The following INTS13 variants were observed in gnomAD, a reference collection of about 807,000 sequenced individuals.
INTS13 encodes asunder, spermatogenesis regulator homolog (Drosphila).
Under a neutral mutation model 90.2 loss-of-function variants are expected in INTS13, and 35 were observed. The ratio of observed to expected loss-of-function variants is 0.39; its 90% CI spans 0.30 to 0.51. INTS13 has a LOEUF of 0.51. Ranked by LOEUF, INTS13 falls within the 20% of genes least tolerant of loss-of-function variation. The pLI is 0.80. For synonymous variants in INTS13, 309 were observed against 277.1 expected (o/e 1.11, Z -1.14); for missense variants, 601 against 851.2 (o/e 0.71, Z 3.66).
At chr12:26,912,899 TG>T (rs574905677) in intron 14 of INTS13, among the ~76,000 whole-genome samples, 109 of 152,248 alleles carry the variant, frequency 7.2e-4, no homozygotes, top group African/African-American at 2.6e-3. Flanking sequence ...AGCTGATTTT[TG>T]TATTTTTTTA....
intron 14 of INTS13, among the ~76,000 whole-genome samples, chr12:26,911,564 AAAG>A (rs1196586567): frequency 2.6e-5 from 4 of 152,202 alleles, no homozygotes; most frequent in African/African-American, 9.6e-5. Context: ...ATATAAAAAA[AAAG>A]AAGATACTTA....
intron 10 of INTS13, among the ~76,000 whole-genome samples, chr12:26,916,608 A>G (rs531883618): frequency 1.3e-5 from 2 of 152,342 alleles, no homozygotes; most frequent in African/African-American, 4.8e-5. Flanking sequence ...CACTGTAATC[A>G]TAACTACTTT....
At chr12:26,929,727 GGAAGAAAGGAAGGAAGGAAA>G (rs1202827957) in intron 3 of INTS13, among the ~76,000 whole-genome samples, 1 of 148,610 alleles carries the variant, frequency 6.7e-6, no homozygotes. Context: ...AAGACAGAAA[GGAAGAAAGGAAGGAAGGAAA>G]GAAGAAAGAA....
chr12:26,922,077 G>A (rs1952135367), intron 8 of INTS13, among the ~76,000 whole-genome samples: 1 of 152,234 alleles, frequency 6.6e-6, no homozygotes, highest in African/African-American at 2.4e-5. Context: ...TGCCTGGGAT[G>A]TGAATCATTC....
At chr12:26,909,881 C>A (rs1297070267) in intron 15 of INTS13, among the ~76,000 whole-genome samples, 2 of 152,202 alleles carry the variant, frequency 1.3e-5, no homozygotes, top group African/African-American at 4.8e-5. Context: ...CTAGGATGAG[C>A]TGCCAATATT....
intron 16 of INTS13, 139 bp downstream of exon 16, chr12:26,906,163 T>TAC: frequency 1.2e-6 from 1 of 814,004 alleles, no homozygotes. Flanking sequence ...AAGAGGTTAA[T>TAC]TTTTTCTGCT....
chr12:26,914,810 G>T (rs1016663781), intron 11 of INTS13, among the ~76,000 whole-genome samples: 35 of 152,170 alleles, frequency 2.3e-4, no homozygotes, highest in African/African-American at 8.4e-4. Context: ...TTCATGGTAT[G>T]TTTTCCCCAC....
At chr12:26,921,070 T>C (rs1479432314) in intron 8 of INTS13, among the ~76,000 whole-genome samples, 2 of 152,242 alleles carry the variant, frequency 1.3e-5, no homozygotes, top group African/African-American at 2.4e-5. Flanking sequence ...TATTTTAGAA[T>C]TGAATGGAAT....
chr12:26,911,945 G>A (rs1951788360), intron 14 of INTS13, among the ~76,000 whole-genome samples: 1 of 152,256 alleles, frequency 6.6e-6, no homozygotes, highest in African/African-American at 2.4e-5. Context: ...GAGAATAAAA[G>A]TATTCTATTA....
Position 26,928,896 on chromosome 12 carries a change from C to A in INTS13, c.310G>T (p.Ala104Ser), listed in dbSNP as rs765732011. 1.9e-6 allele frequency: 3 copies of A among 1,613,900 alleles called. No individual in the cohort carries two copies. Among genetic ancestry groups the A allele is most frequent in the Non-Finnish European group, 2.5e-6 (3 of 1,179,838 alleles). Reference protein sequence around the residue: ...EDQNLQELMAALAAVGPPNPR... With the variant: ...EDQNLQELMASLAAVGPPNPR... ...TTAGGAGGCCCAACAGCGGCTAATGCTGCCATTAGCTAAGTAAAAGGGAAA... is the reference window on the plus strand; with the variant it reads ...TTAGGAGGCCCAACAGCGGCTAATGATGCCATTAGCTAAGTAAAAGGGAAA... The change falls in exon 4 of 17, where the codon GCA (alanine) becomes TCA (serine). Residue 104 changes from alanine (A) to serine (S), a missense_variant. Around this residue, in one of 3 missense-constraint regions of INTS13, gnomAD observed 284 missense variants for 387.7 expected, o/e 0.73. Transcript: ENST00000261191.
At chr12:26,917,849 T>C in intron 8 of INTS13, 116 bp from the exon 9 acceptor site, 2 of 758,396 alleles carry the variant, frequency 2.6e-6, no homozygotes, top group South Asian at 3.5e-5. Context: ...AGCGGCCGGG[T>C]GCAGTGGCTC....
chr12:26,924,543 C>T, intron 6 of INTS13, 60 bp from the exon 7 acceptor site: 1 of 1,496,578 alleles, frequency 6.7e-7, no homozygotes, highest in Non-Finnish European at 9.1e-7. Context: ...TGACCTACTG[C>T]TAAATATTTT....
intron 6 of INTS13, 61 bp downstream of exon 6, chr12:26,925,700 C>T: frequency 1.5e-6 from 2 of 1,304,664 alleles, no homozygotes; most frequent in Non-Finnish European, 1.1e-6. Context: ...AATGATAACC[C>T]TTCTCAGTAT....
intron 15 of INTS13, 190 bp from the exon 16 acceptor site, chr12:26,906,627 G>T: frequency 1.7e-6 from 1 of 596,712 alleles, no homozygotes; most frequent in Non-Finnish European, 2.8e-6. Flanking sequence ...GTGTTTCAGG[G>T]TCCCCAAGAG....
In INTS13 at chr12:26,914,078, ATCT is replaced by A. The variant is rs1334876338; in HGVS notation, c.1467_1469del (p.Glu489del). ...ATATTGTTTTTTGACAGTTTAACAC[ATCT>A]TCTTCTGTCAGAGATTCTTTCACAA... On this transcript the variant is annotated inframe_deletion, in exon 13 of 17. Transcript: ENST00000261191. The A allele has an allele frequency of 1.2e-6, 2 of 1,608,906 alleles. No homozygotes were observed. The highest frequency in any genetic ancestry group is 1.3e-5 in the African/African-American group (1 of 74,740).
intron 8 of INTS13, among the ~76,000 whole-genome samples, chr12:26,920,901 T>C (rs1048870417): frequency 3.9e-5 from 6 of 152,184 alleles, no homozygotes; most frequent in African/African-American, 9.7e-5. Flanking sequence ...AATGTCACAA[T>C]TGGCTCATGA....
At chr12:26,909,472 CT>C (rs756908915) in intron 15 of INTS13, among the ~76,000 whole-genome samples, 6,688 of 126,844 alleles carry the variant, frequency 0.053, 189 homozygotes, top group African/African-American at 0.11. Context: ...AGATAATACT[CT>C]TTTTTTTTTT....
At chr12:26,909,869 C>T (rs536857921) in intron 15 of INTS13, among the ~76,000 whole-genome samples, 1 of 152,276 alleles carries the variant, frequency 6.6e-6, no homozygotes, top group East Asian at 1.9e-4. Flanking sequence ...CCTACCTTCT[C>T]CCTAGGATGA....
intron 15 of INTS13, 71 bp downstream of exon 15, chr12:26,911,107 T>C (rs1951762251): frequency 2.6e-6 from 4 of 1,518,158 alleles, no homozygotes; most frequent in Non-Finnish European, 3.5e-6. Context: ...AGTGCTGGGA[T>C]TACAGGGGTA....
Sources: gnomAD v4.1 joint callset for allele counts (sites outside exome capture counted in the v4.1 genomes callset) on GRCh38, gnomAD v4.1.1 for gene constraint, gnomAD v4.1.1 regional missense constraint, MANE v1.5 for transcripts, NCBI Gene and HGNC (gene_info 2026-07-23, HGNC 2026-07-21) for gene names.